CAMTA1: variants seen among roughly 807,000 people sequenced by gnomAD.
The protein encoded by CAMTA1 is calmodulin binding transcription activator 1.
In CAMTA1, 27 loss-of-function variants were observed where a neutral mutation model predicts 170.9. The ratio of observed to expected loss-of-function variants is 0.16; its 90% CI spans 0.12 to 0.22. The LOEUF is 0.22. Among genes scored for constraint, CAMTA1 ranks in the 10% least tolerant of loss-of-function variants. The pLI is 1.00. For missense variants in CAMTA1, 1,619 were observed against 2,217.2 expected, an observed-to-expected ratio of 0.73 and a Z score of 5.42; for synonymous variants, 833 against 891.5, an observed-to-expected ratio of 0.93 and a Z score of 1.17.
intron 5 of CAMTA1, among the ~76,000 whole-genome samples, chr1:7,303,080 TTA>T (rs1675032188): frequency 6.6e-6 from 1 of 152,158 alleles, no homozygotes; most frequent in Non-Finnish European, 1.5e-5. Flanking sequence ...GCTGGGAGCA[TTA>T]TATGAGTTAC....
At chr1:7,458,826 A>G (rs574676885) in intron 5 of CAMTA1, among the ~76,000 whole-genome samples, 4 of 152,376 alleles carry the variant, frequency 2.6e-5, no homozygotes, top group Admixed American at 6.5e-5. Flanking sequence ...GCCCTGGTCA[A>G]TGACGATCTA....
intron 4 of CAMTA1, among the ~76,000 whole-genome samples, chr1:7,225,218 G>A (rs997728567): frequency 2.6e-5 from 4 of 152,094 alleles, no homozygotes; most frequent in Non-Finnish European, 5.9e-5. Flanking sequence ...CCGAGTAGCT[G>A]GGACTACAGG....
At chr1:7,702,464 C>T (rs1406823412) in intron 11 of CAMTA1, among the ~76,000 whole-genome samples, 1 of 152,198 alleles carries the variant, frequency 6.6e-6, no homozygotes, top group Non-Finnish European at 1.5e-5. Context: ...ACGAGTTCCC[C>T]GGCACTTTAG....
chr1:6,787,253 A>G (rs1639678630), intron 1 of CAMTA1, among the ~76,000 whole-genome samples: 2 of 152,312 alleles, frequency 1.3e-5, no homozygotes, highest in South Asian at 4.1e-4. Context: ...GGGAGTGTAG[A>G]CACCCGTGTC....
At chr1:6,968,765 G>A (rs1692019215) in intron 3 of CAMTA1, among the ~76,000 whole-genome samples, 1 of 152,000 alleles carries the variant, frequency 6.6e-6, no homozygotes, top group Non-Finnish European at 1.5e-5. Context: ...GATAGAGAGA[G>A]TGGAGGTGGG....
In CAMTA1 at chr1:7,661,649, G is replaced by A. The variant is rs1053252627; in HGVS notation, c.665-77G>A. 3.2e-5 allele frequency: 50 copies of A among 1,541,190 alleles called. No homozygotes were observed. In the African/African-American group the frequency reaches 6.2e-4, roughly 19 times the overall value. The stretch of plus-strand genomic sequence containing the variant: ...GAGGGCTGCCCTCAGGGAGGGCCTG[G>A]GTCCTACCCCTTGGCCCCACCCAGG... On this transcript the variant is annotated intron_variant, in intron 7 of 22. Transcript: ENST00000303635.
At chr1:7,277,820 T>C (rs1670966028) in intron 5 of CAMTA1, among the ~76,000 whole-genome samples, 1 of 152,110 alleles carries the variant, frequency 6.6e-6, no homozygotes, top group South Asian at 2.1e-4. Flanking sequence ...TATGCTATTT[T>C]GTATTTTTTT....
chr1:7,147,525 A>T (rs1646279539), intron 4 of CAMTA1, among the ~76,000 whole-genome samples: 2 of 151,714 alleles, frequency 1.3e-5, no homozygotes, highest in African/African-American at 4.8e-5. Context: ...GCACACTCAC[A>T]CACTCAAACA....
chr1:7,666,229 C>G (rs2096000751), intron 9 of CAMTA1, among the ~76,000 whole-genome samples: 1 of 151,834 alleles, frequency 6.6e-6, no homozygotes, highest in African/African-American at 2.4e-5. Flanking sequence ...CTGCCTTCAC[C>G]CTACTTCTCT....
intron 7 of CAMTA1, among the ~76,000 whole-genome samples, chr1:7,659,014 C>T (rs1186775075): frequency 6.6e-6 from 1 of 152,218 alleles, no homozygotes; most frequent in African/African-American, 2.4e-5. Flanking sequence ...CAGCCCCACC[C>T]ATCCCCCTTA....
intron 4 of CAMTA1, among the ~76,000 whole-genome samples, chr1:7,147,906 A>G (rs1646320935): frequency 6.6e-6 from 1 of 150,566 alleles, no homozygotes; most frequent in Admixed American, 6.6e-5. Context: ...ATGCACACAC[A>G]CACTCATACA....
intron 11 of CAMTA1, among the ~76,000 whole-genome samples, chr1:7,726,554 T>C (rs1229109048): frequency 6.6e-6 from 1 of 152,180 alleles, no homozygotes; most frequent in Non-Finnish European, 1.5e-5. Flanking sequence ...ATTTTTATTT[T>C]CTTGGGTAAA....
At chr1:7,094,745 G>A (rs978428207) in intron 4 of CAMTA1, among the ~76,000 whole-genome samples, 6 of 152,140 alleles carry the variant, frequency 3.9e-5, no homozygotes, top group African/African-American at 1.4e-4. Flanking sequence ...CCGCGGTATC[G>A]CAACAGAGCT....
Position 7,642,668 on chromosome 1 carries a change from G to A in CAMTA1, c.664+2115G>A, listed in dbSNP as rs913519412. On this transcript the variant is annotated intron_variant, in intron 7 of 22. Transcript: ENST00000303635. This position sits in a 1 kb window ranked among gnomAD's most constrained non-coding sequence, Gnocchi z 6.3. ...AATGCTGGTGCCCCCTGGCCAGGGC[G>A]GTAGAAAGAGTCAGGGCTGGCAAGT... Among the ~76,000 whole-genome samples the A allele has an allele frequency of 2.7e-4, 41 of 152,218 alleles. No individual in the cohort carries two copies. The highest frequency in any genetic ancestry group is 4.1e-4 in the South Asian group (2 of 4,824).
chr1:6,939,132 G>T (rs1362154564), intron 3 of CAMTA1, among the ~76,000 whole-genome samples: 1 of 152,186 alleles, frequency 6.6e-6, no homozygotes, highest in Non-Finnish European at 1.5e-5. Context: ...AGACCCTAGG[G>T]CCTTTGGGAT....
At chr1:7,053,220 T>G (rs1387194743) in intron 3 of CAMTA1, among the ~76,000 whole-genome samples, 2 of 152,300 alleles carry the variant, frequency 1.3e-5, no homozygotes, top group East Asian at 3.9e-4. Flanking sequence ...GGTGGCAGCT[T>G]CTTTTCCTTC....
intron 6 of CAMTA1, among the ~76,000 whole-genome samples, chr1:7,478,986 T>C (rs1293455548): frequency 2.0e-5 from 3 of 151,912 alleles, no homozygotes; most frequent in African/African-American, 7.3e-5. Flanking sequence ...GGGCAAAGAG[T>C]GAAATCCAGA....
rs116144968 is a variant in CAMTA1 at position 7,593,134 on chromosome 1, G to A, written c.511-47266G>A. ...TCTCATCCAGGCCTGAAAGCAGCCA[G>A]AGATGGCTCGGTAAAGGTCCGGGTT... On this transcript the variant is annotated intron_variant, in intron 6 of 22. Coordinates refer to ENST00000303635, the MANE Select transcript of CAMTA1 (RefSeq NM_015215.4). Among the ~76,000 whole-genome samples, 397 of 152,344 alleles carry A rather than the reference G, an allele frequency of 2.6e-3. 3 individuals carry two copies. The highest frequency in any genetic ancestry group is 8.3e-3 in the African/African-American group (347 of 41,580).
At chr1:7,022,666 C>T (rs1008391567) in intron 3 of CAMTA1, among the ~76,000 whole-genome samples, 1 of 152,086 alleles carries the variant, frequency 6.6e-6, no homozygotes, top group Non-Finnish European at 1.5e-5. Context: ...CCATATGCTT[C>T]AGGGATTTGA....
Sources: gnomAD v4.1 joint callset for allele counts (sites outside exome capture counted in the v4.1 genomes callset) on GRCh38, gnomAD v4.1.1 for gene constraint, Gnocchi (gnomAD v3.1) non-coding constraint, MANE v1.5 for transcripts, NCBI Gene and HGNC (gene_info 2026-07-23, HGNC 2026-07-21) for gene names.